The following PIP5K1C variants were observed in gnomAD, a reference collection of about 807,000 sequenced individuals.
The protein encoded by PIP5K1C is phosphatidylinositol 4-phosphate 5-kinase type-1 gamma.
In PIP5K1C, 45 loss-of-function variants were observed where a neutral mutation model predicts 80.1. That is an observed-to-expected ratio of 0.56 (90% CI 0.44 to 0.72). The LOEUF (loss-of-function observed/expected upper bound fraction) is 0.72. Among genes scored for constraint, PIP5K1C ranks in the 30% least tolerant of loss-of-function variants. PIP5K1C has a pLI of 0.00. For synonymous variants in PIP5K1C, 498 were observed against 420.1 expected (o/e 1.19, Z -2.27); for missense variants, 753 against 954.6 (o/e 0.79, Z 2.78).
In PIP5K1C at chr19:3,643,262, A is replaced by T. The variant is rs1398895423; in HGVS notation, c.1630T>A (p.Ser544Thr). 3.1e-6 allele frequency: 5 copies of T among 1,613,356 alleles called. No individual in the cohort carries two copies. The African/African-American group carries it at 5.3e-5, about 17-fold the overall frequency. The change falls in exon 13 of 18, where the codon TCG becomes ACG. Residue 544 changes from serine (S) to threonine (T), a missense_variant. Ser to Thr is a moderately conservative substitution (Grantham distance 58, BLOSUM62 1). Coordinates refer to ENST00000335312, the MANE Select transcript of PIP5K1C (RefSeq NM_012398.3). ...SIPERSPSET[S>T]EQPRYRRRTQ... The stretch of plus-strand genomic sequence containing the variant: ...GCCCACCTGTACCGCGGCTGCTCCG[A>T]CGTCTCCGAGGGGGACCGCTCAGGA...
At position 3,633,516 on chromosome 19, in the gene PIP5K1C, G is replaced by A. The variant is rs2033539072; in HGVS notation, c.1925C>T (p.Thr642Ile). 2.7e-6 allele frequency: 4 copies of A among 1,494,750 alleles called. No individual in the cohort carries two copies. Among genetic ancestry groups the A allele is most frequent in the Admixed American group, 4.3e-5 (2 of 46,046 alleles). The allele number at this position is 1,494,750 out of a possible 1,614,324, so 92.6% of individuals were successfully genotyped here. A position where few individuals can be genotyped will look rare whatever the true frequency, so the allele number is the denominator to read the frequency against. Residue 642 changes from threonine to isoleucine, a missense_variant, in exon 17 of 18, where the codon ACC (threonine) becomes ATC (isoleucine). Thr to Ile is a moderately conservative substitution (Grantham distance 89). This residue lies in a region of PIP5K1C where 315 missense variants were observed against 294.5 expected (regional missense o/e 1.07). Coordinates refer to ENST00000335312, the MANE Select transcript of PIP5K1C (RefSeq NM_012398.3). The part of the protein sequence containing the change: ...DAPATDIYFP[T>I]DERSWVYSPL... ...GGAGTACACCCAGCTCCTCTCATCG[G>A]TGGGCTGGCAGGTGGGCGCGCGTGC...
intron 1 of PIP5K1C, among the ~76,000 whole-genome samples, chr19:3,676,829 A>G (rs928387264): frequency 2.6e-5 from 4 of 152,204 alleles, no homozygotes; most frequent in Non-Finnish European, 5.9e-5. Flanking sequence ...AAAGAAATAT[A>G]AGACCAGGCG....
Position 3,633,517 on chromosome 19 carries a change from T to C in PIP5K1C, c.1924A>G (p.Thr642Ala), listed in dbSNP as rs776923483. Residue 642 changes from threonine (T) to alanine (A), a missense_variant, in exon 17 of 18, where the codon ACC (threonine) becomes GCC (alanine). Thr to Ala is a moderately conservative substitution (Grantham distance 58). Around this residue, in one of 6 missense-constraint regions of PIP5K1C, gnomAD observed 315 missense variants for 294.5 expected, o/e 1.07. Coordinates refer to ENST00000335312, the MANE Select transcript of PIP5K1C (RefSeq NM_012398.3). ...GAGTACACCCAGCTCCTCTCATCGGTGGGCTGGCAGGTGGGCGCGCGTGCA... is the reference window on the plus strand; with the variant it reads ...GAGTACACCCAGCTCCTCTCATCGGCGGGCTGGCAGGTGGGCGCGCGTGCA... ...DAPATDIYFP[T>A]DERSWVYSPL... 2 of 1,486,490 alleles carry C rather than the reference T, an allele frequency of 1.3e-6. No individual in the cohort carries two copies. Among genetic ancestry groups the C allele is most frequent in the East Asian group, 2.4e-5 (1 of 42,064 alleles). The allele number at this position is 1,486,490 out of a possible 1,614,324, so 92.1% of individuals were successfully genotyped here.
intron 1 of PIP5K1C, 53 bp downstream of exon 1, chr19:3,700,244 T>C (rs1214870221): frequency 2.9e-6 from 3 of 1,030,550 alleles, no homozygotes; most frequent in Non-Finnish European, 3.6e-6. Flanking sequence ...CCCGCGACTC[T>C]CGGCGCTCGG....
rs1038186081 is a variant in PIP5K1C at position 3,681,996 on chromosome 19, A to C, written c.95-14643T>G. Among the ~76,000 whole-genome samples, 7 of 152,190 alleles carry C rather than the reference A, an allele frequency of 4.6e-5. No individual in the cohort carries two copies. In the South Asian group the frequency reaches 1.5e-3, roughly 32 times the overall value. On this transcript the variant is annotated intron_variant, in intron 1 of 17. Transcript: ENST00000335312. Reference sequence around the variant, plus strand: ...GAGCCCAGATTGCAGAGCCTGCTGCACGCTGCATGCTGGTCTGACCCCGTC... The same window carrying C: ...GAGCCCAGATTGCAGAGCCTGCTGCCCGCTGCATGCTGGTCTGACCCCGTC...
At chr19:3,684,537 A>T (rs1022857591) in intron 1 of PIP5K1C, among the ~76,000 whole-genome samples, 7 of 152,228 alleles carry the variant, frequency 4.6e-5, no homozygotes, top group Non-Finnish European at 7.3e-5. Flanking sequence ...CAATGCGGAG[A>T]GAGGCCTGGG....
chr19:3,643,785 C>T (rs1176545787), intron 12 of PIP5K1C, among the ~76,000 whole-genome samples: 1 of 151,524 alleles, frequency 6.6e-6, no homozygotes, highest in Non-Finnish European at 1.5e-5. Context: ...TCCCTTCCTT[C>T]ATTCCCTAGC....
At chr19:3,667,419 C>T (rs1162870576) in intron 1 of PIP5K1C, 66 bp from the exon 2 acceptor site, 1 of 1,585,912 alleles carries the variant, frequency 6.3e-7, no homozygotes, top group African/African-American at 1.3e-5. Flanking sequence ...TGGGCCCAGC[C>T]CCCGGCCCAC....
chr19:3,671,996 C>T (rs993506918), intron 1 of PIP5K1C, among the ~76,000 whole-genome samples: 6 of 152,190 alleles, frequency 3.9e-5, no homozygotes, highest in African/African-American at 1.2e-4. Context: ...GAGCAGTTTC[C>T]GCTGGCCAGG....
Position 3,696,820 on chromosome 19 carries a change from A to G in PIP5K1C, c.94+3477T>C, listed in dbSNP as rs2036122345. On this transcript the variant is annotated intron_variant, in intron 1 of 17. Transcript: ENST00000335312. The surrounding 1 kb of genome is among the most constrained non-coding windows in gnomAD (Gnocchi z 4.1). ...AAAGAGGACTATGTCTTTGACCCCA[A>G]GGGAGGTGGGAGCCATGGAGGGCTG... is the stretch of plus-strand genomic sequence containing the variant. 6.6e-6 allele frequency among the ~76,000 whole-genome samples: 1 copy of G among 152,128 alleles called. No homozygotes were observed. The highest frequency in any genetic ancestry group is 2.4e-5 in the African/African-American group (1 of 41,432).
At chr19:3,671,321 G>A (rs1444513928) in intron 1 of PIP5K1C, among the ~76,000 whole-genome samples, 5 of 152,244 alleles carry the variant, frequency 3.3e-5, no homozygotes, top group Admixed American at 6.5e-5. Context: ...CTACGGCCCC[G>A]GGACCCAGTG....
In PIP5K1C at chr19:3,637,937, G is replaced by A. The variant is rs2033774200; in HGVS notation, c.1920+947C>T. The A allele has an allele frequency of 2.0e-6, 3 of 1,535,110 alleles. No individual in the cohort carries two copies. The highest frequency in any genetic ancestry group is 2.6e-6 in the Non-Finnish European group (3 of 1,146,682). ...GGGGTGACGACGTGCGGTGGGTAGG[G>A]GCACAGGCACGCGGCCCGTCCCTCC... is the stretch of plus-strand genomic sequence containing the variant. On this transcript the variant is annotated intron_variant, in intron 16 of 17. Transcript: ENST00000335312. The surrounding 1 kb of genome is among the most constrained non-coding windows in gnomAD (Gnocchi z 7.0).
chr19:3,659,270 C>T (rs758329564), intron 5 of PIP5K1C, among the ~76,000 whole-genome samples: 50 of 152,332 alleles, frequency 3.3e-4, no homozygotes, highest in African/African-American at 1.1e-3. Flanking sequence ...AGGGGGCTGC[C>T]GCCTGCTCAG....
chr19:3,698,643 C>G (rs1302066101), intron 1 of PIP5K1C, among the ~76,000 whole-genome samples: 1 of 152,086 alleles, frequency 6.6e-6, no homozygotes, highest in African/African-American at 2.4e-5. Flanking sequence ...CTCAGCACCC[C>G]TAATTTCCTG....
In PIP5K1C at chr19:3,667,212, G is replaced by C. The variant is rs370778979; in HGVS notation, c.126+110C>G. 1,282 of 904,442 alleles carry C rather than the reference G, an allele frequency of 1.4e-3. 14 individuals are homozygous for C. In the African/African-American group the frequency reaches 0.019, roughly 13 times the overall value. 56.0% of individuals were successfully genotyped at this position (904,442 alleles called of 1,614,324 possible). A position where few individuals can be genotyped will look rare whatever the true frequency, so the allele number is the denominator to read the frequency against. On this transcript the variant is annotated intron_variant, in intron 2 of 17. Transcript: ENST00000335312. The stretch of plus-strand genomic sequence containing the variant: ...CTTGTGGACACTGGACGGCATTTGG[G>C]GCCCAGAGAGGTGTAGTGAGCTGCC...
chr19:3,637,481 G>A lies in PIP5K1C; in HGVS notation c.1920+1403C>T. The A allele has an allele frequency of 6.5e-7, 1 of 1,535,650 alleles. No individual in the cohort carries two copies. Among genetic ancestry groups the A allele is most frequent in the South Asian group, 1.2e-5 (1 of 84,060 alleles). On this transcript the variant is annotated intron_variant, in intron 16 of 17. Transcript: ENST00000335312. The surrounding 1 kb of genome is among the most constrained non-coding windows in gnomAD (Gnocchi z 7.0). ...TCCGGCCGGGGACCTGCGGCTCCCTGCTGCCCGAGGGGCACTGCCCCTTCT... is the reference window on the plus strand; with the variant it reads ...TCCGGCCGGGGACCTGCGGCTCCCTACTGCCCGAGGGGCACTGCCCCTTCT...
In PIP5K1C at chr19:3,646,038, G is replaced by A. The variant is rs2034198820; in HGVS notation, c.1281C>T (p.Arg427=). The A allele has an allele frequency of 1.2e-6, 2 of 1,612,868 alleles. No homozygotes were observed. The highest frequency in any genetic ancestry group is 1.7e-5 in the Admixed American group (1 of 59,996). Residue 427 remains arginine, a synonymous_variant, in exon 11 of 18, where the codon CGC becomes CGT. Coordinates refer to ENST00000335312, the MANE Select transcript of PIP5K1C (RefSeq NM_012398.3). ...AAAAGCGCTCGGCATAGAAGCTGGG[G>A]CGGTGGACGGACACCGTGTCCTGGA... ...VHDGDTVSVH[R]PSFYAERFFK...
chr19:3,673,170 G>A (rs1182816537), intron 1 of PIP5K1C, among the ~76,000 whole-genome samples: 1 of 152,004 alleles, frequency 6.6e-6, no homozygotes, highest in Admixed American at 6.5e-5. Context: ...ACGGGCCCTC[G>A]CTGTCCCTCC....
chr19:3,695,753 A>G (rs2036083698), intron 1 of PIP5K1C, among the ~76,000 whole-genome samples: 1 of 139,864 alleles, frequency 7.1e-6, no homozygotes, highest in South Asian at 2.3e-4. Flanking sequence ...TTTTTGAGAT[A>G]CGATTCTGCT....
Sources: gnomAD v4.1 joint callset for allele counts (sites outside exome capture counted in the v4.1 genomes callset) on GRCh38, gnomAD v4.1.1 for gene constraint, gnomAD v4.1.1 regional missense constraint, Gnocchi (gnomAD v3.1) non-coding constraint, MANE v1.5 for transcripts, NCBI Gene and HGNC (gene_info 2026-07-23, HGNC 2026-07-21) for gene names.